The following LY96 variants were observed in gnomAD, a reference collection of about 807,000 sequenced individuals.
LY96 encodes the protein lymphocyte antigen 96.
In LY96, 18 loss-of-function variants were observed where a neutral mutation model predicts 18.9. The observed-to-expected ratio is 0.95, with a 90% CI of 0.66 to 1.41. The LOEUF (loss-of-function observed/expected upper bound fraction) is 1.41. Ranked by LOEUF, LY96 falls within the 40% of genes most tolerant of loss-of-function variation. LY96 has a pLI of 0.00. For missense variants in LY96, 175 were observed against 182.4 expected (o/e 0.96, Z 0.23); for synonymous variants, 66 against 62.6 (o/e 1.06, Z -0.26).
At chr8:74,011,176 G>A (rs1456389536) in intron 3 of LY96, among the ~76,000 whole-genome samples, 1 of 152,116 alleles carries the variant, frequency 6.6e-6, no homozygotes, top group Non-Finnish European at 1.5e-5. Flanking sequence ...AAACTGGATT[G>A]CCATATGCAG....
chr8:74,048,748 C>T, the LY96 span: 3 of 146,374 alleles, frequency 2.0e-5, no homozygotes, highest in Admixed American at 7.0e-5. Context: ...CCCAGCGCAA[C>T]GGTGACATGC....
At chr8:74,089,446 A>G in the LY96 span, among the ~76,000 whole-genome samples, 1 of 152,084 alleles carries the variant, frequency 6.6e-6, no homozygotes, top group East Asian at 1.9e-4. Context: ...CCTGCCCCCA[A>G]ACATGCATAG....
chr8:74,083,860 T>G, the LY96 span, among the ~76,000 whole-genome samples: 2 of 148,366 alleles, frequency 1.3e-5, no homozygotes, highest in South Asian at 4.4e-4. Context: ...CCTGGCTAAT[T>G]TTTTTTTTTA....
chr8:74,023,999 A>G (rs939496843), intron 3 of LY96, among the ~76,000 whole-genome samples: 3 of 152,328 alleles, frequency 2.0e-5, no homozygotes, highest in African/African-American at 7.2e-5. Flanking sequence ...TCTTTTGAAT[A>G]AGCAGCCTCA....
intron 1 of LY96, among the ~76,000 whole-genome samples, chr8:73,994,120 G>C (rs1816072067): frequency 6.6e-6 from 1 of 152,128 alleles, no homozygotes. Context: ...AAATAGCTGA[G>C]ATTACAGATA....
At chr8:74,010,256 T>C (rs1816504192) in intron 3 of LY96, 127 bp downstream of exon 3, 1 of 848,174 alleles carries the variant, frequency 1.2e-6, no homozygotes, top group Non-Finnish European at 1.9e-6. Context: ...TCCAAAGTTT[T>C]TACTTTAGCA....
At chr8:74,025,130 A>G (rs1025841557) in intron 3 of LY96, among the ~76,000 whole-genome samples, 1 of 152,154 alleles carries the variant, frequency 6.6e-6, no homozygotes, top group African/African-American at 2.4e-5. Flanking sequence ...CACAGCTGGA[A>G]TGGTTTCTTA....
At chr8:74,054,661 T>TTTCTTTC in the LY96 span, among the ~76,000 whole-genome samples, 1 of 142,874 alleles carries the variant, frequency 7.0e-6, no homozygotes, top group African/African-American at 2.6e-5. Flanking sequence ...TCTTTCTTTC[T>TTTCTTTC]TTCTTTCTTT....
Position 74,018,244 on chromosome 8 carries a change from A to T in LY96, c.331+8115A>T, listed in dbSNP as rs954502166. On this transcript the variant is annotated intron_variant, in intron 3 of 4. Coordinates refer to ENST00000284818, the MANE Select transcript of LY96 (RefSeq NM_015364.5). ...AATGGAAAGCAAAAAAAAATAAAAAAAATAAATAAATAAACAGGGGTTGCA... is the reference window on the plus strand; with the variant it reads ...AATGGAAAGCAAAAAAAAATAAAAATAATAAATAAATAAACAGGGGTTGCA... Among the ~76,000 whole-genome samples the T allele has an allele frequency of 1.1e-4, 16 of 152,128 alleles. 1 individual carries two copies. The highest frequency in any genetic ancestry group is 3.9e-4 in the African/African-American group (16 of 41,556).
chr8:74,060,704 A>G, the LY96 span, among the ~76,000 whole-genome samples: 1 of 152,214 alleles, frequency 6.6e-6, no homozygotes, highest in Non-Finnish European at 1.5e-5. Context: ...GGAACTCACA[A>G]CCAAATTCAT....
intron 2 of LY96, among the ~76,000 whole-genome samples, chr8:74,009,258 G>A (rs1381437306): frequency 7.3e-5 from 11 of 151,472 alleles, no homozygotes; most frequent in African/African-American, 2.4e-4. Flanking sequence ...AGCTGGGCAC[G>A]GTGGTAGGCG....
At chr8:74,049,851 G>C in the LY96 span, among the ~76,000 whole-genome samples, 1 of 152,110 alleles carries the variant, frequency 6.6e-6, no homozygotes, top group Non-Finnish European at 1.5e-5. Context: ...CAATTAATAA[G>C]TTTAATTTAG....
At chr8:74,013,132 T>C (rs997018756) in intron 3 of LY96, among the ~76,000 whole-genome samples, 2 of 151,930 alleles carry the variant, frequency 1.3e-5, no homozygotes, top group African/African-American at 4.8e-5. Flanking sequence ...AATTTTTTTT[T>C]CTTTTTTTTT....
Position 74,000,486 on chromosome 8 carries a change from C to G in LY96, c.113-4310C>G, listed in dbSNP as rs1358830968. 2.0e-5 allele frequency among the ~76,000 whole-genome samples: 3 copies of G among 151,960 alleles called. No homozygotes were observed. In the South Asian group the frequency reaches 6.2e-4, roughly 32 times the overall value. ...CTGATTATGACCACTTAAGTAATCG[C>G]TAGGAATTTCCACACTTTCCCTACA... On this transcript the variant is annotated intron_variant, in intron 1 of 4. Coordinates refer to ENST00000284818, the MANE Select transcript of LY96 (RefSeq NM_015364.5).
chr8:74,078,030 C>G, the LY96 span, among the ~76,000 whole-genome samples: 1 of 151,780 alleles, frequency 6.6e-6, no homozygotes, highest in South Asian at 2.1e-4. Flanking sequence ...ATTGCTTGAG[C>G]CGAGGAATTT....
downstream of LY96, among the ~76,000 whole-genome samples, chr8:74,030,103 T>C (rs1204881137): frequency 1.3e-5 from 2 of 152,192 alleles, no homozygotes; most frequent in Non-Finnish European, 2.9e-5. Context: ...GAGGACTGCA[T>C]CCTGGGAGCA....
At chr8:74,088,122 AT>A in the LY96 span, among the ~76,000 whole-genome samples, 3 of 151,862 alleles carry the variant, frequency 2.0e-5, no homozygotes, top group African/African-American at 7.3e-5. Flanking sequence ...ATAGAATAGA[AT>A]AGAATAGAAT....
At chr8:74,019,448 A>C (rs1417533634) in intron 3 of LY96, among the ~76,000 whole-genome samples, 3 of 152,218 alleles carry the variant, frequency 2.0e-5, no homozygotes, top group Admixed American at 6.5e-5. Context: ...AACCAAAAAA[A>C]GTCCAGGACC....
chr8:74,087,915 C>T, the LY96 span, among the ~76,000 whole-genome samples: 4 of 152,122 alleles, frequency 2.6e-5, no homozygotes, highest in Non-Finnish European at 5.9e-5. Context: ...CTTTTCCTTT[C>T]ACCTTTAATT....
Sources: gnomAD v4.1 joint callset for allele counts (sites outside exome capture counted in the v4.1 genomes callset) on GRCh38, gnomAD v4.1.1 for gene constraint, MANE v1.5 for transcripts, NCBI Gene and HGNC (gene_info 2026-07-23, HGNC 2026-07-21) for gene names.